GRIA4: variants seen among roughly 807,000 people sequenced by gnomAD.
The protein encoded by GRIA4 is glutamate receptor 4.
In GRIA4, 34 loss-of-function variants were observed where a neutral mutation model predicts 104.0. The observed-to-expected ratio is 0.33, with a 90% CI of 0.25 to 0.44. The LOEUF is 0.44. Among genes scored for constraint, GRIA4 ranks in the 20% least tolerant of loss-of-function variants. The pLI is 1.00. For missense variants in GRIA4, 750 were observed against 1,096.5 expected (o/e 0.68, Z 4.46); for synonymous variants, 386 against 381.9 (o/e 1.01, Z -0.13).
intron 3 of GRIA4, among the ~76,000 whole-genome samples, chr11:105,658,404 T>C (rs1206232221): frequency 1.3e-5 from 2 of 151,828 alleles, no homozygotes; most frequent in African/African-American, 4.8e-5. Context: ...AAACAGAGTA[T>C]TTCAAATGGC....
At chr11:105,949,750 G>A (rs1202546190) in intron 14 of GRIA4, among the ~76,000 whole-genome samples, 1 of 152,186 alleles carries the variant, frequency 6.6e-6, no homozygotes, top group Non-Finnish European at 1.5e-5. Context: ...GGAATTCCTG[G>A]TGAATGTTCT....
intron 4 of GRIA4, among the ~76,000 whole-genome samples, chr11:105,810,422 A>T (rs756707330): frequency 6.6e-6 from 1 of 152,142 alleles, no homozygotes; most frequent in Non-Finnish European, 1.5e-5. Context: ...TCTGGCCACT[A>T]TTGGAGAGGA....
At chr11:105,662,297 A>G (rs778132451) in intron 3 of GRIA4, among the ~76,000 whole-genome samples, 43 of 151,842 alleles carry the variant, frequency 2.8e-4, no homozygotes, top group Non-Finnish European at 4.1e-4. Context: ...ATGTATCTCT[A>G]ACTGGCAAAA....
intron 3 of GRIA4, among the ~76,000 whole-genome samples, chr11:105,675,841 A>C (rs1158412161): frequency 6.6e-6 from 1 of 151,880 alleles, no homozygotes. Flanking sequence ...TGATATTTAT[A>C]CTACTTCAGT....
intron 3 of GRIA4, among the ~76,000 whole-genome samples, chr11:105,751,912 T>G (rs1940020697): frequency 6.6e-6 from 1 of 152,174 alleles, no homozygotes; most frequent in South Asian, 2.1e-4. Context: ...ATAAAAATTT[T>G]ATAGACCTAA....
At chr11:105,695,184 T>C (rs767494141) in intron 3 of GRIA4, among the ~76,000 whole-genome samples, 9 of 152,250 alleles carry the variant, frequency 5.9e-5, no homozygotes, top group Admixed American at 5.9e-4. Context: ...ATATGTATTC[T>C]CAACTTGTGT....
intron 3 of GRIA4, among the ~76,000 whole-genome samples, chr11:105,693,507 A>G (rs1953162123): frequency 6.6e-6 from 1 of 152,180 alleles, no homozygotes; most frequent in Admixed American, 6.5e-5. Flanking sequence ...AATATTCTAG[A>G]GAGATGCAGG....
intron 5 of GRIA4, among the ~76,000 whole-genome samples, chr11:105,881,744 C>A (rs1243979983): frequency 6.7e-6 from 1 of 149,138 alleles, no homozygotes; most frequent in Non-Finnish European, 1.5e-5. Flanking sequence ...CACACACAGA[C>A]CTACACACAA....
chr11:105,612,649 TCTC>T lies in GRIA4; in HGVS notation c.247+220_247+222del, dbSNP rs1950510394. 6 of 496,110 alleles carry T rather than the reference TCTC, an allele frequency of 1.2e-5. No homozygotes were observed. In the South Asian group the frequency reaches 2.1e-4, roughly 18 times the overall value. 30.7% of individuals were successfully genotyped at this position (496,110 alleles called of 1,614,324 possible). A position where few individuals can be genotyped will look rare whatever the true frequency, so the allele number is the denominator to read the frequency against. ...CTTAATTTATTTTTCTTTTCTTTCT[TCTC>T]CTCCCTCTCTTTGCTTCTTCCTGAC... On this transcript the variant is annotated intron_variant, in intron 3 of 16. Coordinates refer to ENST00000282499, the MANE Select transcript of GRIA4 (RefSeq NM_000829.4).
chr11:105,828,799 T>A (rs902085607), intron 4 of GRIA4, among the ~76,000 whole-genome samples: 2 of 152,010 alleles, frequency 1.3e-5, no homozygotes, highest in African/African-American at 2.4e-5. Flanking sequence ...ACTGAAATCC[T>A]CATAGCCTTA....
At chr11:105,890,173 G>T (rs1946408091) in intron 6 of GRIA4, among the ~76,000 whole-genome samples, 1 of 152,100 alleles carries the variant, frequency 6.6e-6, no homozygotes, top group African/African-American at 2.4e-5. Flanking sequence ...GCATGAAATT[G>T]GGTCATGAAT....
chr11:105,692,227 T>G (rs1298014547), intron 3 of GRIA4, among the ~76,000 whole-genome samples: 1 of 151,924 alleles, frequency 6.6e-6, no homozygotes, highest in Non-Finnish European at 1.5e-5. Context: ...TTAGGCACAT[T>G]ACATATATAA....
At chr11:105,966,405 A>G (rs1858370696) in intron 14 of GRIA4, among the ~76,000 whole-genome samples, 2 of 151,800 alleles carry the variant, frequency 1.3e-5, no homozygotes, top group Admixed American at 1.3e-4. Flanking sequence ...GCAGGGCGGT[A>G]AGCCTGTCTT....
intron 14 of GRIA4, among the ~76,000 whole-genome samples, chr11:105,956,537 T>C (rs1948595439): frequency 6.6e-6 from 1 of 152,228 alleles, no homozygotes; most frequent in Non-Finnish European, 1.5e-5. Flanking sequence ...TTCCAAGTCT[T>C]TGCTATTGTG....
chr11:105,844,341 G>A (rs2135968251), intron 4 of GRIA4, among the ~76,000 whole-genome samples: 1 of 152,224 alleles, frequency 6.6e-6, no homozygotes, highest in South Asian at 2.1e-4. Context: ...ATGCCAAATG[G>A]TTTTCTTTTC....
intron 3 of GRIA4, among the ~76,000 whole-genome samples, chr11:105,621,381 A>T (rs1299498339): frequency 6.6e-6 from 1 of 151,046 alleles, no homozygotes; most frequent in Non-Finnish European, 1.5e-5. Flanking sequence ...ATCTTTCCAG[A>T]CTTTTTTTTT....
chr11:105,835,541 G>A (rs528651341), intron 4 of GRIA4, among the ~76,000 whole-genome samples: 1 of 152,078 alleles, frequency 6.6e-6, no homozygotes, highest in South Asian at 2.1e-4. Context: ...GCAAAGCCAT[G>A]GATTTTGTGT....
At chr11:105,772,468 A>G (rs1189709120) in intron 4 of GRIA4, among the ~76,000 whole-genome samples, 2 of 152,126 alleles carry the variant, frequency 1.3e-5, no homozygotes, top group African/African-American at 2.4e-5. Context: ...TCTGTTCTCT[A>G]TGATTTTTCT....
At chr11:105,961,633 C>A (rs546491749) in intron 14 of GRIA4, among the ~76,000 whole-genome samples, 2 of 152,064 alleles carry the variant, frequency 1.3e-5, no homozygotes, top group Non-Finnish European at 2.9e-5. Flanking sequence ...GTTCAGCATC[C>A]GTAATCTGAA....
Sources: allele counts gnomAD v4.1 joint callset (sites outside exome capture counted in the v4.1 genomes callset), GRCh38; gene constraint gnomAD v4.1.1; transcripts MANE v1.5; gene names NCBI Gene and HGNC (gene_info 2026-07-23, HGNC 2026-07-21).